Variants in NAV1 observed in about 807,000 individuals in gnomAD.
NAV1 encodes the protein pore membrane and/or filament interacting like protein 3.
A neutral mutation model predicts 175.2 loss-of-function variants in NAV1; 18 were observed. That is an observed-to-expected ratio of 0.10 (90% confidence interval 0.07 to 0.15). The LOEUF (loss-of-function observed/expected upper bound fraction) is 0.15. NAV1 is among the 10% of genes least tolerant of loss of function. The pLI, the probability that NAV1 is intolerant of heterozygous loss-of-function variation, is 1.00. For missense variants in NAV1, 1,731 were observed against 2,436.6 expected (o/e 0.71, Z 6.10); for synonymous variants, 897 against 978.7 (o/e 0.92, Z 1.56).
At chr1:201,607,870 T>TTGTGTGTG (rs57110688) in intron 2 of NAV1, among the ~76,000 whole-genome samples, 4,270 of 138,174 alleles carry the variant, frequency 0.031, 106 homozygotes, top group African/African-American at 0.066. Flanking sequence ...GATAACTTTA[T>TTGTGTGTG]TGTGTGTGTG....
Position 201,771,025 on chromosome 1 carries a change from T to G in NAV1, c.1227-9396T>G, listed in dbSNP as rs150342982. ...ATGCACAGAAGTGGCTCACCAAGAG[T>G]GCAGAGAACTCCACAGCAGCCCAAA... On this transcript the variant is annotated intron_variant, in intron 3 of 29. Transcript: ENST00000367296. Among the ~76,000 whole-genome samples, 1,072 of 150,678 alleles carry G rather than the reference T, an allele frequency of 7.1e-3. 11 individuals are homozygous for G. The highest frequency in any genetic ancestry group is 7.4e-3 in the Non-Finnish European group (503 of 67,552).
chr1:201,627,696 C>T (rs1398639238), intron 1 of NAV1, among the ~76,000 whole-genome samples: 1 of 152,112 alleles, frequency 6.6e-6, no homozygotes. Flanking sequence ...ATAGAATTCC[C>T]TCTCCCCAGT....
At position 201,717,776 on chromosome 1, in the gene NAV1, C is replaced by T. The variant is rs533316430; in HGVS notation, c.861-614C>T. Among the ~76,000 whole-genome samples, 3 of 152,364 alleles carry T rather than the reference C, an allele frequency of 2.0e-5. No individual in the cohort carries two copies. The East Asian group carries it at 5.8e-4, about 29-fold the overall frequency. Reference sequence around the variant, plus strand: ...TGCCATACATCCCAGATTCCCAAAGCTTTTCCTATACTCTCTGCACTCTAC... The same window carrying T: ...TGCCATACATCCCAGATTCCCAAAGTTTTTCCTATACTCTCTGCACTCTAC... On this transcript the variant is annotated intron_variant, in intron 2 of 29. Coordinates refer to ENST00000367296, the Ensembl canonical transcript of NAV1.
chr1:201,736,837 G>C (rs932401180), intron 3 of NAV1, among the ~76,000 whole-genome samples: 8 of 152,018 alleles, frequency 5.3e-5, no homozygotes, highest in Non-Finnish European at 1.2e-4. Context: ...CTCTTTGGCT[G>C]GGTTTTCTTT....
At chr1:201,649,788 T>A (rs1056339389) in intron 1 of NAV1, among the ~76,000 whole-genome samples, 1 of 152,178 alleles carries the variant, frequency 6.6e-6, no homozygotes, top group African/African-American at 2.4e-5. Flanking sequence ...TGGTGTGGCC[T>A]GCGCTTGACA....
chr1:201,809,003 A>G, intron 20 of NAV1, 132 bp downstream of exon 24: 2 of 1,317,880 alleles, frequency 1.5e-6, no homozygotes, highest in East Asian at 2.3e-5. Context: ...GTCCTAAGAC[A>G]CTGAGTTGTA....
chr1:201,562,651 C>T (rs1298416034), intron 1 of NAV1, among the ~76,000 whole-genome samples: 2 of 152,238 alleles, frequency 1.3e-5, no homozygotes, highest in Non-Finnish European at 2.9e-5. Context: ...AAGCTTCCTT[C>T]TGAGTGGAGC....
chr1:201,622,085 G>A (rs925760601), upstream of NAV1, among the ~76,000 whole-genome samples: 1 of 152,144 alleles, frequency 6.6e-6, no homozygotes, highest in African/African-American at 2.4e-5. Flanking sequence ...TGAACCAAAG[G>A]TGGGACACTC....
chr1:201,580,404 T>TA (rs1267731826), intron 1 of NAV1, among the ~76,000 whole-genome samples: 1 of 152,134 alleles, frequency 6.6e-6, no homozygotes, highest in Admixed American at 6.5e-5. Context: ...TAAAGACAAA[T>TA]AAAATTTTTT....
At chr1:201,598,618 G>A (rs1667428024) in intron 2 of NAV1, among the ~76,000 whole-genome samples, 1 of 152,244 alleles carries the variant, frequency 6.6e-6, no homozygotes, top group South Asian at 2.1e-4. Context: ...GCCTGGAATA[G>A]GAGCAGGGGG....
At chr1:201,759,901 A>T (rs1026645615) in intron 3 of NAV1, among the ~76,000 whole-genome samples, 61 of 152,206 alleles carry the variant, frequency 4.0e-4, no homozygotes, top group African/African-American at 1.4e-3. Context: ...ACAAATTGGT[A>T]GGTTTCCCTT....
intron 1 of NAV1, among the ~76,000 whole-genome samples, chr1:201,547,950 T>G (rs1665716868): frequency 6.6e-6 from 1 of 152,122 alleles, no homozygotes; most frequent in Non-Finnish European, 1.5e-5. Context: ...CCTGCCACCA[T>G]GCCCGGCTAA....
exon 21 of NAV1, chr1:201,809,191 C>G: frequency 6.2e-7 from 1 of 1,613,970 alleles, no homozygotes; most frequent in Non-Finnish European, 8.5e-7. Context: ...GGCATCAGTA[C>G]TTGTGGTCCA....
intron 2 of NAV1, among the ~76,000 whole-genome samples, chr1:201,634,547 A>T (rs1191892969): frequency 6.6e-6 from 1 of 152,178 alleles, no homozygotes; most frequent in Non-Finnish European, 1.5e-5. Flanking sequence ...ATGAAGGAAG[A>T]GGCCAGATAA....
intron 1 of NAV1, among the ~76,000 whole-genome samples, chr1:201,679,378 C>T (rs1474134807): frequency 6.6e-6 from 1 of 152,140 alleles, no homozygotes; most frequent in Non-Finnish European, 1.5e-5. Flanking sequence ...ATTTTTCCAT[C>T]TCAGACTGCC....
At chr1:201,814,009 G>T (rs1335147950) in intron 28 of NAV1, among the ~76,000 whole-genome samples, 5 of 152,148 alleles carry the variant, frequency 3.3e-5, no homozygotes, top group Non-Finnish European at 7.3e-5. Context: ...AGTGAGCTGA[G>T]ATCACGCCAC....
At chr1:201,666,953 A>G (rs528864375) in intron 1 of NAV1, among the ~76,000 whole-genome samples, 4 of 152,204 alleles carry the variant, frequency 2.6e-5, no homozygotes, top group African/African-American at 9.6e-5. Context: ...AGAGGCAAGG[A>G]CGCCATGCTC....
At chr1:201,678,659 C>G (rs1018428299) in intron 1 of NAV1, among the ~76,000 whole-genome samples, 2 of 152,196 alleles carry the variant, frequency 1.3e-5, no homozygotes, top group African/African-American at 4.8e-5. Flanking sequence ...TGACTTCACC[C>G]AGCCTCCAAC....
intron 1 of NAV1, among the ~76,000 whole-genome samples, chr1:201,588,198 T>TA (rs879717915): frequency 2.6e-5 from 4 of 152,216 alleles, no homozygotes; most frequent in Admixed American, 1.3e-4. Flanking sequence ...AAAAATGTGA[T>TA]ATATCATACA....
Sources: gnomAD v4.1 joint callset for allele counts (sites outside exome capture counted in the v4.1 genomes callset) on GRCh38, gnomAD v4.1.1 for gene constraint, MANE v1.5 for transcripts, NCBI Gene and HGNC (gene_info 2026-07-23, HGNC 2026-07-21) for gene names.